GALNT10: variants seen among roughly 807,000 people sequenced by gnomAD.
The protein encoded by GALNT10 is GalNAc transferase 10.
In GALNT10, 41 loss-of-function variants were observed where a neutral mutation model predicts 75.0. The observed-to-expected ratio is 0.55, with a 90% CI of 0.43 to 0.71. The LOEUF (loss-of-function observed/expected upper bound fraction) is 0.71, where lower values mean the gene tolerates loss of function less well. GALNT10 is among the 30% of genes least tolerant of loss of function. GALNT10 has a pLI of 0.00. For missense variants in GALNT10, 727 were observed against 818.5 expected, an observed-to-expected ratio of 0.89 and a Z score of 1.36; for synonymous variants, 302 against 313.0, an observed-to-expected ratio of 0.96 and a Z score of 0.37.
chr5:154,346,145 T>C (rs926527238), intron 4 of GALNT10, among the ~76,000 whole-genome samples: 19 of 151,186 alleles, frequency 1.3e-4, no homozygotes, highest in African/African-American at 4.6e-4. Flanking sequence ...TGTGCGTGTG[T>C]GTGTGTGTGT....
intron 1 of GALNT10, among the ~76,000 whole-genome samples, chr5:154,250,138 A>C: frequency 6.6e-6 from 1 of 152,198 alleles, no homozygotes; most frequent in South Asian, 2.1e-4. Context: ...TGTGCGATTA[A>C]GTGGTAAACT....
At chr5:154,243,800 G>C (rs1753376629) in intron 1 of GALNT10, among the ~76,000 whole-genome samples, 1 of 152,200 alleles carries the variant, frequency 6.6e-6, no homozygotes, top group African/African-American at 2.4e-5. Context: ...GTTGCTAGGG[G>C]AGCTGGTCTT....
At chr5:154,398,884 G>T (rs1239851791) in intron 7 of GALNT10, among the ~76,000 whole-genome samples, 1 of 152,158 alleles carries the variant, frequency 6.6e-6, no homozygotes, top group African/African-American at 2.4e-5. Context: ...AGGCCATAGG[G>T]TGAAAAAACT....
chr5:154,289,309 C>G (rs1052205183), intron 1 of GALNT10, among the ~76,000 whole-genome samples: 4 of 152,200 alleles, frequency 2.6e-5, no homozygotes, highest in African/African-American at 9.7e-5. Context: ...GGAAATTGGG[C>G]TCCACCTGCC....
chr5:154,352,913 T>C lies in GALNT10; in HGVS notation c.568+23175T>C, dbSNP rs1471372081. On this transcript the variant is annotated intron_variant, in intron 4 of 11. Transcript: ENST00000297107. The surrounding 1 kb of genome is among the most constrained non-coding windows in gnomAD (Gnocchi z 4.4). ...TGGACAAAGATGCAAACTTTTTACATAGAATGCAATTTCCTTCTGTCTCAA... is the reference window on the plus strand; with the variant it reads ...TGGACAAAGATGCAAACTTTTTACACAGAATGCAATTTCCTTCTGTCTCAA... Among the ~76,000 whole-genome samples, 1 of 152,192 alleles carries C rather than the reference T, an allele frequency of 6.6e-6. No individual in the cohort carries two copies. The highest frequency in any genetic ancestry group is 1.5e-5 in the Non-Finnish European group (1 of 68,040).
chr5:154,411,367 G>A (rs7702525), intron 9 of GALNT10, among the ~76,000 whole-genome samples: 50,813 of 152,102 alleles, frequency 0.33, 9,075 homozygotes, highest in Non-Finnish European at 0.41. Context: ...CCAGCAGAAA[G>A]TATATGCCTC....
chr5:154,390,146 A>G (rs183777571), intron 7 of GALNT10, among the ~76,000 whole-genome samples: 4 of 152,364 alleles, frequency 2.6e-5, no homozygotes. Context: ...TGGCAAATGT[A>G]AGAGGCCGTG....
intron 7 of GALNT10, among the ~76,000 whole-genome samples, chr5:154,393,668 TA>T (rs1291141100): frequency 1.3e-5 from 2 of 151,834 alleles, no homozygotes; most frequent in African/African-American, 2.4e-5. Flanking sequence ...ACCTCATCTC[TA>T]AAAAAAAGTT....
intron 9 of GALNT10, among the ~76,000 whole-genome samples, chr5:154,411,599 C>G: frequency 6.6e-6 from 1 of 152,226 alleles, no homozygotes; most frequent in East Asian, 1.9e-4. Flanking sequence ...GTGATTTGCT[C>G]AAATTCACAC....
intron 1 of GALNT10, among the ~76,000 whole-genome samples, chr5:154,294,237 G>A (rs1161887356): frequency 2.6e-5 from 4 of 152,078 alleles, no homozygotes; most frequent in African/African-American, 9.7e-5. Flanking sequence ...CAGAGGTTGA[G>A]GATGGAGAAT....
At chr5:154,240,554 T>A (rs547210283) in intron 1 of GALNT10, among the ~76,000 whole-genome samples, 1 of 152,316 alleles carries the variant, frequency 6.6e-6, no homozygotes, top group East Asian at 1.9e-4. Flanking sequence ...GTTTTCTGTG[T>A]CCTGGGTTAA....
chr5:154,321,713 G>T (rs527386822), intron 3 of GALNT10, among the ~76,000 whole-genome samples: 1 of 152,180 alleles, frequency 6.6e-6, no homozygotes, highest in African/African-American at 2.4e-5. Context: ...CCAGGGATCT[G>T]GGAGCTAACA....
At chr5:154,397,973 G>A (rs145222816) in intron 7 of GALNT10, among the ~76,000 whole-genome samples, 67 of 152,320 alleles carry the variant, frequency 4.4e-4, no homozygotes, top group Middle Eastern at 3.4e-3. Flanking sequence ...AGATAAGAGC[G>A]GGTAATTGTC....
chr5:154,223,642 G>T (rs1334035837), intron 1 of GALNT10, among the ~76,000 whole-genome samples: 2 of 150,958 alleles, frequency 1.3e-5, no homozygotes, highest in African/African-American at 4.9e-5. Flanking sequence ...GGAGCAGGCC[G>T]GGTGCAGTGG....
At chr5:154,339,062 AC>A (rs1241375238) in intron 4 of GALNT10, among the ~76,000 whole-genome samples, 1 of 152,210 alleles carries the variant, frequency 6.6e-6, no homozygotes, top group African/African-American at 2.4e-5. Context: ...ATAGTTTCCC[AC>A]TATGAAAGTA....
intron 1 of GALNT10, among the ~76,000 whole-genome samples, chr5:154,194,465 C>G (rs1473816586): frequency 1.3e-5 from 2 of 152,132 alleles, no homozygotes; most frequent in Non-Finnish European, 2.9e-5. Context: ...AATCTGATGC[C>G]ACTAGGGAAG....
chr5:154,220,210 A>G (rs1752958529), intron 1 of GALNT10: 1 of 152,202 alleles, frequency 6.6e-6, no homozygotes, highest in Non-Finnish European at 1.5e-5. Flanking sequence ...GTCTGATGCC[A>G]TGAGATCTAT....
chr5:154,191,101 C>T (rs545259582), intron 1 of GALNT10, 76 bp downstream of exon 1: 7 of 1,022,824 alleles, frequency 6.8e-6, no homozygotes, highest in East Asian at 6.6e-5. Flanking sequence ...CCTTCCTCCA[C>T]CTTCTGCTGT....
intron 1 of GALNT10, among the ~76,000 whole-genome samples, chr5:154,275,702 T>C (rs1263536708): frequency 6.6e-6 from 1 of 152,206 alleles, no homozygotes; most frequent in Non-Finnish European, 1.5e-5. Context: ...GTCAGTTCCT[T>C]TCCATGTCGA....
Sources: gnomAD v4.1 joint callset for allele counts (sites outside exome capture counted in the v4.1 genomes callset) on GRCh38, gnomAD v4.1.1 for gene constraint, Gnocchi (gnomAD v3.1) non-coding constraint, MANE v1.5 for transcripts, NCBI Gene and HGNC (gene_info 2026-07-23, HGNC 2026-07-21) for gene names.